TAS2R1: variants seen among roughly 807,000 people sequenced by gnomAD.
TAS2R1 encodes taste receptor type 2 member 1.
For synonymous variants in TAS2R1, 141 were observed against 134.2 expected, an observed-to-expected ratio of 1.05 and a Z score of -0.35; for missense variants, 370 against 353.4, an observed-to-expected ratio of 1.05 and a Z score of -0.38.
intron 1 of TAS2R1, among the ~76,000 whole-genome samples, chr5:9,682,547 T>G (rs1347860509): frequency 1.3e-5 from 2 of 151,942 alleles, no homozygotes; most frequent in Non-Finnish European, 2.9e-5. Flanking sequence ...AAATAAATAC[T>G]CCCTGCACCC....
rs543638269 is a variant in TAS2R1 at position 9,665,616 on chromosome 5, T to C, written c.-241-6035A>G. 2.6e-5 allele frequency among the ~76,000 whole-genome samples: 4 copies of C among 152,304 alleles called. No homozygotes were observed. The South Asian group carries it at 6.2e-4, about 24-fold the overall frequency. On this transcript the variant is annotated intron_variant, in intron 1 of 2. Transcript: ENST00000506620. ...TGGTGAGAAGAGAGAGTGTGATGTCTAAGACCACAGCCTCTGGGCAGCCCT... is the reference window on the plus strand; with the variant it reads ...TGGTGAGAAGAGAGAGTGTGATGTCCAAGACCACAGCCTCTGGGCAGCCCT...
intron 1 of TAS2R1, among the ~76,000 whole-genome samples, chr5:9,703,887 C>T (rs901741703): frequency 4.6e-5 from 7 of 152,194 alleles, no homozygotes; most frequent in Non-Finnish European, 7.3e-5. Flanking sequence ...TAAATGCATA[C>T]TCATAGAACA....
chr5:9,875,444 A>G, the TAS2R1 span, among the ~76,000 whole-genome samples: 2 of 152,228 alleles, frequency 1.3e-5, no homozygotes, highest in Non-Finnish European at 2.9e-5. Context: ...ACAGACATTT[A>G]TGAGCTTGGT....
intron 2 of TAS2R1, among the ~76,000 whole-genome samples, chr5:9,652,147 T>C (rs150671973): frequency 6.3e-4 from 96 of 152,342 alleles, no homozygotes; most frequent in Non-Finnish European, 1.1e-3. Context: ...ACATAGTATC[T>C]CTCTGCATCC....
At chr5:9,680,370 C>A (rs553170699) in intron 1 of TAS2R1, among the ~76,000 whole-genome samples, 1 of 152,010 alleles carries the variant, frequency 6.6e-6, no homozygotes, top group East Asian at 1.9e-4. Context: ...GTTCTACTCC[C>A]GAAAGTGTGA....
the TAS2R1 span, among the ~76,000 whole-genome samples, chr5:9,787,269 T>C: frequency 2.6e-5 from 4 of 152,128 alleles, no homozygotes; most frequent in Non-Finnish European, 5.9e-5. Flanking sequence ...GGCATAAACA[T>C]GTAAGAGAAA....
intron 1 of TAS2R1, among the ~76,000 whole-genome samples, chr5:9,670,823 G>T (rs1740734934): frequency 6.6e-6 from 1 of 151,938 alleles, no homozygotes; most frequent in Non-Finnish European, 1.5e-5. Context: ...CCAAAACCTG[G>T]CAAAGATACA....
chr5:9,676,653 C>T (rs1740882548), intron 1 of TAS2R1, among the ~76,000 whole-genome samples: 1 of 151,940 alleles, frequency 6.6e-6, no homozygotes, highest in Non-Finnish European at 1.5e-5. Context: ...TACAAAACTT[C>T]TAGAAGAAAA....
the TAS2R1 span, among the ~76,000 whole-genome samples, chr5:9,840,888 T>A: frequency 7.1e-5 from 7 of 99,000 alleles, no homozygotes; most frequent in South Asian, 3.3e-4. Context: ...TTTTTTTTTT[T>A]TTTTTGAGAT....
At chr5:9,896,467 C>T in the TAS2R1 span, among the ~76,000 whole-genome samples, 332 of 152,268 alleles carry the variant, frequency 2.2e-3, 1 homozygote, top group Admixed American at 3.7e-3. Context: ...ATTCTCCAGA[C>T]GGGCTGAAGC....
the TAS2R1 span, among the ~76,000 whole-genome samples, chr5:9,743,538 T>C: frequency 3.3e-5 from 5 of 152,216 alleles, no homozygotes; most frequent in Admixed American, 3.3e-4. Flanking sequence ...CATCCCATTG[T>C]TGACAAAATC....
intron 2 of TAS2R1, among the ~76,000 whole-genome samples, chr5:9,658,051 G>A (rs141607804): frequency 9.2e-5 from 14 of 152,124 alleles, no homozygotes; most frequent in East Asian, 5.8e-4. Context: ...CCTTCATCCC[G>A]CCACCTTTCA....
chr5:9,660,717 G>GA (rs1323659261), intron 1 of TAS2R1, among the ~76,000 whole-genome samples: 10 of 152,110 alleles, frequency 6.6e-5, no homozygotes, highest in Admixed American at 3.3e-4. Flanking sequence ...CTTGAGATGG[G>GA]AAAAAAATGA....
At chr5:9,654,894 T>TA (rs1179665424) in intron 2 of TAS2R1, among the ~76,000 whole-genome samples, 1 of 152,248 alleles carries the variant, frequency 6.6e-6, no homozygotes, top group Non-Finnish European at 1.5e-5. Flanking sequence ...CCAGCAATTC[T>TA]ACTCCTGTTA....
At chr5:9,836,166 G>A in the TAS2R1 span, among the ~76,000 whole-genome samples, 205 of 152,020 alleles carry the variant, frequency 1.3e-3, 1 homozygote, top group Non-Finnish European at 1.3e-3. Context: ...CATGTGAGAC[G>A]TGCCTTTTAC....
intron 1 of TAS2R1, among the ~76,000 whole-genome samples, chr5:9,679,954 C>T (rs1740962436): frequency 6.6e-6 from 1 of 152,080 alleles, no homozygotes; most frequent in Non-Finnish European, 1.5e-5. Flanking sequence ...AGCCAGGGCT[C>T]CCTGGAGAAA....
the TAS2R1 span, among the ~76,000 whole-genome samples, chr5:9,887,708 A>G: frequency 2.5e-4 from 38 of 152,358 alleles, no homozygotes; most frequent in African/African-American, 8.7e-4. Context: ...CGAACAAAGC[A>G]TGGACCCTGT....
At chr5:9,686,911 T>C (rs752633021) in intron 1 of TAS2R1, among the ~76,000 whole-genome samples, 31 of 152,202 alleles carry the variant, frequency 2.0e-4, no homozygotes, top group Non-Finnish European at 4.1e-4. Context: ...TAATTATAAC[T>C]TGGTAACTGT....
At chr5:9,687,650 G>A (rs1224519785) in intron 1 of TAS2R1, among the ~76,000 whole-genome samples, 2 of 151,972 alleles carry the variant, frequency 1.3e-5, no homozygotes, top group African/African-American at 2.4e-5. Context: ...CCGTACTCCC[G>A]TCAGAGGAAA....
Sources: gnomAD v4.1 joint callset for allele counts (sites outside exome capture counted in the v4.1 genomes callset) on GRCh38, gnomAD v4.1.1 for gene constraint, MANE v1.5 for transcripts, NCBI Gene and HGNC (gene_info 2026-07-23, HGNC 2026-07-21) for gene names.